SIL1: variants seen among roughly 807,000 people sequenced by gnomAD.
The protein encoded by SIL1 is nucleotide exchange factor SIL1.
A neutral mutation model predicts 49.1 loss-of-function variants in SIL1; 40 were observed. That is an observed-to-expected ratio of 0.81 (90% CI 0.63 to 1.06). SIL1 has a LOEUF of 1.06. SIL1 is among the 50% of genes least tolerant of loss of function. SIL1 has a pLI of 0.00. For synonymous variants in SIL1, 253 were observed against 250.8 expected, an observed-to-expected ratio of 1.01 and a Z score of -0.08; for missense variants, 500 against 572.6, an observed-to-expected ratio of 0.87 and a Z score of 1.29.
At chr5:138,972,469 G>T (rs1040004559) in intron 7 of SIL1, among the ~76,000 whole-genome samples, 1 of 152,212 alleles carries the variant, frequency 6.6e-6, no homozygotes, top group Admixed American at 6.5e-5. Context: ...TGAACCCTCT[G>T]GCTCAGAGCT....
intron 1 of SIL1, among the ~76,000 whole-genome samples, chr5:139,145,568 T>A (rs1234913460): frequency 1.3e-5 from 2 of 151,600 alleles, no homozygotes; most frequent in Non-Finnish European, 2.9e-5. Context: ...AAGATGAAAA[T>A]GACTCAAACA....
At chr5:138,993,658 G>A (rs1192475635) in intron 7 of SIL1, among the ~76,000 whole-genome samples, 1 of 152,226 alleles carries the variant, frequency 6.6e-6, no homozygotes, top group Non-Finnish European at 1.5e-5. Context: ...GTTGTGAGCT[G>A]CTTATGGAGA....
chr5:138,962,107 GTTTCT>G (rs1188769083), intron 7 of SIL1, among the ~76,000 whole-genome samples: 1 of 151,280 alleles, frequency 6.6e-6, no homozygotes, highest in Non-Finnish European at 1.5e-5. Context: ...GAATTTATTG[GTTTCT>G]TTTTTTTTTC....
intron 5 of SIL1, chr5:139,035,312 G>A (rs1768877778): frequency 1.9e-6 from 1 of 527,384 alleles, no homozygotes; most frequent in Non-Finnish European, 3.7e-6. Context: ...GTCAAGTAAT[G>A]TTGACAATCT....
At chr5:139,132,759 T>C (rs1750890800) in intron 1 of SIL1, among the ~76,000 whole-genome samples, 1 of 152,194 alleles carries the variant, frequency 6.6e-6, no homozygotes, top group Non-Finnish European at 1.5e-5. Flanking sequence ...GTCTTGGTCC[T>C]TACTCAAGAA....
At chr5:139,171,221 CG>C (rs1289350097) in intron 1 of SIL1, among the ~76,000 whole-genome samples, 2 of 152,048 alleles carry the variant, frequency 1.3e-5, no homozygotes, top group East Asian at 1.9e-4. Flanking sequence ...TCATTGAGAA[CG>C]GGCCGGGATG....
chr5:139,143,354 T>C (rs1387278628), intron 1 of SIL1, among the ~76,000 whole-genome samples: 1 of 146,924 alleles, frequency 6.8e-6, no homozygotes, highest in Non-Finnish European at 1.5e-5. Flanking sequence ...CATATATATA[T>C]ATATATATAT....
At chr5:139,070,308 G>A (rs551513256) in intron 3 of SIL1, among the ~76,000 whole-genome samples, 6 of 152,066 alleles carry the variant, frequency 3.9e-5, no homozygotes, top group African/African-American at 1.2e-4. Context: ...GACTCTCGGT[G>A]TGGGAAAAAA....
At chr5:139,053,846 C>T (rs184822215) in intron 3 of SIL1, among the ~76,000 whole-genome samples, 4 of 152,260 alleles carry the variant, frequency 2.6e-5, no homozygotes, top group Admixed American at 6.5e-5. Flanking sequence ...AAAGATTTCA[C>T]AGCACCATGA....
Position 139,073,942 on chromosome 5 carries a change from T to C in SIL1, c.245-22896A>G, listed in dbSNP as rs558778685. ...AAATAATAATAATACATTGTATTCC[T>C]GAAAAATGCCAAGAGAAAGAATGTA... On this transcript the variant is annotated intron_variant, in intron 3 of 9. Transcript: ENST00000394817. Among the ~76,000 whole-genome samples the C allele has an allele frequency of 2.0e-5, 3 of 152,206 alleles. No individual in the cohort carries two copies. In the South Asian group the frequency reaches 6.2e-4, roughly 32 times the overall value.
intron 7 of SIL1, among the ~76,000 whole-genome samples, chr5:138,957,521 C>T (rs1352442739): frequency 6.6e-6 from 1 of 151,602 alleles, no homozygotes; most frequent in African/African-American, 2.4e-5. Context: ...GAGGCTGAGG[C>T]TGCAGTGAGC....
At chr5:139,051,112 G>T in intron 3 of SIL1, 66 bp from the exon 4 acceptor site, 1 of 1,453,902 alleles carries the variant, frequency 6.9e-7, no homozygotes, top group Non-Finnish European at 9.7e-7. Context: ...GGGATGGCCA[G>T]CAAGCCAACA....
intron 4 of SIL1, among the ~76,000 whole-genome samples, chr5:139,050,158 T>C (rs1470038150): frequency 3.9e-5 from 6 of 152,224 alleles, no homozygotes; most frequent in African/African-American, 1.4e-4. Flanking sequence ...CCAATTTCAC[T>C]TGCAGGCTGA....
At chr5:139,006,496 G>A (rs1188293870) in intron 7 of SIL1, among the ~76,000 whole-genome samples, 1 of 134,920 alleles carries the variant, frequency 7.4e-6, no homozygotes, top group Admixed American at 7.6e-5. Flanking sequence ...TGTTGCCATT[G>A]CTTTTGGTGT....
At chr5:139,180,381 CAAAAAAAA>C (rs35534058) in intron 1 of SIL1, among the ~76,000 whole-genome samples, 29 of 57,056 alleles carry the variant, frequency 5.1e-4, no homozygotes, top group African/African-American at 1.8e-3. Flanking sequence ...AACTCCATCT[CAAAAAAAA>C]AAAAAAAAAA....
chr5:139,052,339 C>A (rs1433793193), intron 3 of SIL1, among the ~76,000 whole-genome samples: 1 of 152,158 alleles, frequency 6.6e-6, no homozygotes, highest in Non-Finnish European at 1.5e-5. Flanking sequence ...TGGGAACCTA[C>A]ATACAGTATA....
chr5:139,111,020 AACAAACCTC>A (rs1770827853), intron 3 of SIL1, among the ~76,000 whole-genome samples: 1 of 152,252 alleles, frequency 6.6e-6, no homozygotes, highest in Non-Finnish European at 1.5e-5. Context: ...CAAGGAAGTC[AACAAACCTC>A]ACCCACCACA....
intron 7 of SIL1, among the ~76,000 whole-genome samples, chr5:138,973,267 T>C (rs950535951): frequency 6.7e-6 from 1 of 148,676 alleles, no homozygotes; most frequent in East Asian, 2.0e-4. Context: ...TCATGAATGC[T>C]AAAACACAGA....
chr5:139,162,218 C>A (rs555808609), intron 1 of SIL1, among the ~76,000 whole-genome samples: 36 of 152,284 alleles, frequency 2.4e-4, no homozygotes, highest in South Asian at 2.1e-3. Flanking sequence ...TCTCACCCTG[C>A]CACCCACTCA....
Sources: allele counts gnomAD v4.1 joint callset (sites outside exome capture counted in the v4.1 genomes callset), GRCh38; gene constraint gnomAD v4.1.1; transcripts MANE v1.5; gene names NCBI Gene and HGNC (gene_info 2026-07-23, HGNC 2026-07-21).